Variants in RHBDD1 observed in about 807,000 individuals in gnomAD.
RHBDD1 encodes rhomboid-related protein 4.
In RHBDD1, 38 loss-of-function variants were observed where a neutral mutation model predicts 36.3. The ratio of observed to expected loss-of-function variants is 1.05; its 90% CI spans 0.81 to 1.37. The LOEUF (loss-of-function observed/expected upper bound fraction) is 1.37. Among genes scored for constraint, RHBDD1 ranks in the 40% most tolerant of loss-of-function variants. The pLI, the probability that RHBDD1 is intolerant of heterozygous loss-of-function variation, is 0.00. For missense variants in RHBDD1, 393 were observed against 377.6 expected (o/e 1.04, Z -0.34); for synonymous variants, 151 against 136.5 (o/e 1.11, Z -0.74).
chr2:226,875,417 T>G (rs540428780), intron 5 of RHBDD1, among the ~76,000 whole-genome samples: 5 of 152,308 alleles, frequency 3.3e-5, no homozygotes, highest in African/African-American at 1.2e-4. Flanking sequence ...TAAAAGAGAA[T>G]GTTTATTCCC....
At chr2:226,817,497 G>A in the RHBDD1 span, among the ~76,000 whole-genome samples, 1 of 152,192 alleles carries the variant, frequency 6.6e-6, no homozygotes, top group Non-Finnish European at 1.5e-5. Context: ...TAAATGAAAA[G>A]CAACCATAAA....
chr2:226,994,837 C>A (rs538229256), intron 8 of RHBDD1, among the ~76,000 whole-genome samples: 6 of 152,164 alleles, frequency 3.9e-5, no homozygotes, highest in Admixed American at 3.9e-4. Flanking sequence ...TTTTCAGTAA[C>A]GATTTCCACA....
At chr2:226,830,989 C>G (rs1940727214), upstream of RHBDD1, among the ~76,000 whole-genome samples, 1 of 152,208 alleles carries the variant, frequency 6.6e-6, no homozygotes, top group Non-Finnish European at 1.5e-5. Context: ...GAAAGCCAAA[C>G]TTGCATTCAT....
chr2:226,857,387 A>G (rs1943438122), intron 3 of RHBDD1, among the ~76,000 whole-genome samples: 1 of 152,206 alleles, frequency 6.6e-6, no homozygotes, highest in African/African-American at 2.4e-5. Context: ...AGTTACTCAG[A>G]AAGTTAAACA....
the RHBDD1 span, among the ~76,000 whole-genome samples, chr2:226,814,700 A>G: frequency 6.6e-6 from 1 of 152,222 alleles, no homozygotes; most frequent in Non-Finnish European, 1.5e-5. Context: ...TATTTGGGAC[A>G]ATAGCAAGAG....
intron 8 of RHBDD1, chr2:226,969,229 T>A (rs2149317974): frequency 6.6e-6 from 1 of 152,250 alleles, no homozygotes; most frequent in African/African-American, 2.4e-5. Flanking sequence ...GCCTGATTGT[T>A]GCAGACTTTG....
At position 226,986,452 on chromosome 2, in the gene RHBDD1, A is replaced by C. The variant is rs114623331; in HGVS notation, c.857-8979A>C. Among the ~76,000 whole-genome samples the C allele has an allele frequency of 4.2e-3, 647 of 152,340 alleles. 3 individuals are homozygous for C. The highest frequency in any genetic ancestry group is 0.014 in the African/African-American group (596 of 41,578). Reference sequence around the variant, plus strand: ...GCAACTTTTACGTAAATTTAAAATTATTCCAAAATAAAAAGTTTATTAAAA... The same window carrying C: ...GCAACTTTTACGTAAATTTAAAATTCTTCCAAAATAAAAAGTTTATTAAAA... On this transcript the variant is annotated intron_variant, in intron 8 of 8. Transcript: ENST00000392062.
the RHBDD1 span, among the ~76,000 whole-genome samples, chr2:226,801,212 G>T: frequency 2.0e-5 from 3 of 152,212 alleles, no homozygotes; most frequent in East Asian, 5.8e-4. Flanking sequence ...GACCCGGCGG[G>T]CCGCGGGGGA....
chr2:226,877,155 A>G (rs1427829093), intron 5 of RHBDD1, among the ~76,000 whole-genome samples: 1 of 152,226 alleles, frequency 6.6e-6, no homozygotes, highest in African/African-American at 2.4e-5. Context: ...ATTAGTTCCA[A>G]GGTGGAACCT....
intron 8 of RHBDD1, among the ~76,000 whole-genome samples, chr2:226,977,399 C>T (rs995720086): frequency 1.3e-5 from 2 of 152,134 alleles, no homozygotes; most frequent in Admixed American, 6.6e-5. Flanking sequence ...GAGAATGTTA[C>T]GTCTTCAGAT....
intron 5 of RHBDD1, among the ~76,000 whole-genome samples, chr2:226,880,635 C>T (rs1945645585): frequency 6.6e-6 from 1 of 152,186 alleles, no homozygotes; most frequent in South Asian, 2.1e-4. Flanking sequence ...CTGTCCTGAA[C>T]AGCTGGACAA....
intron 8 of RHBDD1, among the ~76,000 whole-genome samples, chr2:226,928,638 A>G (rs1470155839): frequency 6.6e-6 from 1 of 152,050 alleles, no homozygotes. Flanking sequence ...AGAAGAAGAA[A>G]AAAAATAACA....
chr2:226,868,937 C>A (rs542748719), intron 5 of RHBDD1, among the ~76,000 whole-genome samples: 1 of 152,342 alleles, frequency 6.6e-6, no homozygotes, highest in African/African-American at 2.4e-5. Flanking sequence ...TTGTCACTCA[C>A]TGCTCCCCTG....
chr2:226,936,576 A>T (rs1950343425), intron 8 of RHBDD1, among the ~76,000 whole-genome samples: 1 of 152,144 alleles, frequency 6.6e-6, no homozygotes, highest in South Asian at 2.1e-4. Context: ...ATTTAACAAT[A>T]AAAGCGTAAA....
chr2:226,904,464 G>A (rs1947876785), intron 5 of RHBDD1, among the ~76,000 whole-genome samples: 1 of 149,976 alleles, frequency 6.7e-6, no homozygotes, highest in Non-Finnish European at 1.5e-5. Flanking sequence ...TATATCTGAT[G>A]AAAATAATGC....
intron 3 of RHBDD1, among the ~76,000 whole-genome samples, chr2:226,861,942 G>A (rs548871856): frequency 5.9e-5 from 9 of 152,246 alleles, no homozygotes; most frequent in African/African-American, 2.2e-4. Context: ...ATAGAAACGG[G>A]TTGTGCTAAT....
the RHBDD1 span, among the ~76,000 whole-genome samples, chr2:226,806,144 GAA>G: frequency 1.4e-5 from 2 of 148,000 alleles, no homozygotes; most frequent in African/African-American, 4.9e-5. Flanking sequence ...TTTTAAGAAA[GAA>G]AAAAAAAACT....
chr2:226,881,797 C>T (rs1327914469), intron 5 of RHBDD1, among the ~76,000 whole-genome samples: 3 of 152,212 alleles, frequency 2.0e-5, no homozygotes, highest in Non-Finnish European at 4.4e-5. Context: ...AATTATTCCA[C>T]TGCTGTTGCT....
intron 8 of RHBDD1, among the ~76,000 whole-genome samples, chr2:226,923,145 C>A (rs1949441515): frequency 6.6e-6 from 1 of 152,114 alleles, no homozygotes. Context: ...TTTTTTATTG[C>A]TCATTAACAT....
Sources: allele counts gnomAD v4.1 joint callset (sites outside exome capture counted in the v4.1 genomes callset), GRCh38; gene constraint gnomAD v4.1.1; transcripts MANE v1.5; gene names NCBI Gene and HGNC (gene_info 2026-07-23, HGNC 2026-07-21).